Variants in CLU observed in about 807,000 individuals in gnomAD.
CLU encodes clusterin.
A neutral mutation model predicts 46.4 loss-of-function variants in CLU; 25 were observed. The observed-to-expected ratio is 0.54, with a 90% confidence interval of 0.39 to 0.75. The LOEUF (loss-of-function observed/expected upper bound fraction) is 0.75, where lower values mean the gene tolerates loss of function less well. CLU is among the 30% of genes least tolerant of loss of function. The pLI is 0.00. For missense variants in CLU, 504 were observed against 592.1 expected (o/e 0.85, Z 1.54); for synonymous variants, 235 against 235.1 (o/e 1.00, Z 0.00).
intron 6 of CLU, 109 bp from the exon 7 acceptor site, chr8:27,600,118 G>T: frequency 1.2e-6 from 1 of 828,792 alleles, no homozygotes; most frequent in South Asian, 1.4e-5. Flanking sequence ...CAAAAGCAGT[G>T]CTTCCCTAAG....
Position 27,605,249 on chromosome 8 carries a change from C to T in CLU, c.504G>A (p.Gln168=). The T allele has an allele frequency of 6.2e-7, 1 of 1,614,226 alleles. No individual in the cohort carries two copies. The highest frequency in any genetic ancestry group is 8.5e-7 in the Non-Finnish European group (1 of 1,180,036). ...RIDSLLENDR[Q]QTHMLDVMQD... Reference sequence around the variant, plus strand: ...GCATGACATCCAGCATGTGCGTCTGCTGCCGGTCGTTCTCCAGCAGGGAGT... The same window carrying T: ...GCATGACATCCAGCATGTGCGTCTGTTGCCGGTCGTTCTCCAGCAGGGAGT... The change falls in exon 5 of 9, where the codon CAG becomes CAA. Residue 168 remains glutamine, a synonymous_variant. Coordinates refer to ENST00000316403, the MANE Select transcript of CLU (RefSeq NM_001831.4).
At chr8:27,598,672 C>T in intron 7 of CLU, 37 bp from the exon 8 acceptor site, 2 of 1,606,106 alleles carry the variant, frequency 1.2e-6, no homozygotes, top group South Asian at 1.1e-5. Context: ...AGCTGAAACA[C>T]TGTGGTCAAA....
Position 27,606,497 on chromosome 8 carries a change from C to G in CLU, c.274G>C (p.Glu92Gln). ...EDALNETRES[E>Q]TKLKELPGVC... is the part of the protein sequence containing the mutation. ...CCTGGGAGCTCCTTCAGCTTTGTCT[C>G]TGATTCCCTGGTCTCATTTAGGGCA... The change falls in exon 4 of 9, where the codon GAG becomes CAG. Residue 92 changes from glutamate (E) to glutamine (Q), a missense_variant. Glu to Gln is a conservative substitution (Grantham distance 29). Coordinates refer to ENST00000316403, the MANE Select transcript of CLU (RefSeq NM_001831.4). The G allele has an allele frequency of 3.1e-6, 5 of 1,614,266 alleles. No homozygotes were observed. The highest frequency in any genetic ancestry group is 4.2e-6 in the Non-Finnish European group (5 of 1,180,052).
chr8:27,604,909 T>TCCACC lies in CLU; in HGVS notation c.829+10_829+14dup. The TCCACC allele has an allele frequency of 6.2e-7, 1 of 1,614,106 alleles. No homozygotes were observed. Among genetic ancestry groups the TCCACC allele is most frequent in the Non-Finnish European group, 8.5e-7 (1 of 1,179,998 alleles). ...CGAGTTGCTCAAAAGGCCATGAGCT[T>TCCACC]CCACCCCTTCTCACCTCGTATGAAT... is the stretch of plus-strand genomic sequence containing the variant. On this transcript the variant is annotated intron_variant, in intron 5 of 8. Transcript: ENST00000316403.
At position 27,599,853 on chromosome 8, in the gene CLU, T is replaced by C. The variant is rs1013892347; in HGVS notation, c.1091A>G (p.Glu364Gly). 6.2e-7 allele frequency: 1 copy of C among 1,614,166 alleles called. No homozygotes were observed. The highest frequency in any genetic ancestry group is 1.3e-5 in the African/African-American group (1 of 75,036). ...CAGCCGGGACACCCAGTTAAACTGC[T>C]CGTTCAGCTGCTCCAGCAAGGAGGA... The part of the protein sequence containing the change: ...NTSSLLEQLN[E>G]QFNWVSRLAN... The change falls in exon 7 of 9, where the codon GAG (glutamate) becomes GGG (glycine). Residue 364 changes from glutamate to glycine, a missense_variant. By Grantham distance (98) the Glu-to-Gly change is moderately conservative. This residue lies in a region of CLU where 428 missense variants were observed against 484.0 expected (regional missense o/e 0.88). Transcript: ENST00000316403. The surrounding 1 kb of genome is among the most constrained non-coding windows in gnomAD (Gnocchi z 4.0).
rs1473269814 is a variant in CLU, at chr8:27,597,257, T to C, written c.*984A>G. The C allele has an allele frequency of 2.2e-6, 1 of 453,200 alleles. No individual in the cohort carries two copies. The highest frequency in any genetic ancestry group is 1.6e-5 in the South Asian group (1 of 64,472). 28.1% of individuals were successfully genotyped at this position (453,200 alleles called of 1,614,324 possible). A position where few individuals can be genotyped will look rare whatever the true frequency, so the allele number is the denominator to read the frequency against. On this transcript the variant is annotated 3_prime_UTR_variant, in exon 9 of 9. Transcript: ENST00000316403. ...AGTACATCTGATGACCAGAATTCTA[T>C]CAGAGAATGTTAATGAACGAAAAGC...
intron 6 of CLU, among the ~76,000 whole-genome samples, chr8:27,601,204 A>C (rs944754870): frequency 2.6e-5 from 4 of 151,988 alleles, no homozygotes; most frequent in Non-Finnish European, 5.9e-5. Flanking sequence ...GCCTGCCACC[A>C]CCCCCGGGTG....
chr8:27,598,084 A>G lies in CLU; in HGVS notation c.*157T>C. Reference sequence around the variant, plus strand: ...GCAGCAGAGTCGAGTGTTAGAGTGCAGGATCCAGAGCGGGGAGAGGCTGGG... The same window carrying G: ...GCAGCAGAGTCGAGTGTTAGAGTGCGGGATCCAGAGCGGGGAGAGGCTGGG... On this transcript the variant is annotated 3_prime_UTR_variant, in exon 9 of 9. Transcript: ENST00000316403. 1.4e-6 allele frequency: 1 copy of G among 727,356 alleles called. No individual in the cohort carries two copies. The highest frequency in any genetic ancestry group is 2.5e-6 in the Non-Finnish European group (1 of 396,020). 45.1% of individuals were successfully genotyped at this position (727,356 alleles called of 1,614,324 possible).
At position 27,606,122 on chromosome 8, in the gene CLU, C is replaced by T. The variant is rs9331907; in HGVS notation, c.417+232G>A. Among the ~76,000 whole-genome samples, 1,039 of 152,334 alleles carry T rather than the reference C, an allele frequency of 6.8e-3. 6 individuals are homozygous for T. The highest frequency in any genetic ancestry group is 0.014 in the Middle Eastern group (4 of 294). On this transcript the variant is annotated intron_variant, in intron 4 of 8. Transcript: ENST00000316403. ...CCCACGAAGCAGTTTATTATGTCAT[C>T]CAGCTAAGCACTGCTGCATGAGTTT...
intron 1 of CLU, among the ~76,000 whole-genome samples, chr8:27,613,388 GAAAA>G (rs11467299): frequency 1.7e-5 from 2 of 120,164 alleles, no homozygotes. Flanking sequence ...TTGGTCTCAG[GAAAA>G]AAAAAAAAAA....
chr8:27,610,401 G>T, intron 2 of CLU, 74 bp downstream of exon 2: 1 of 1,198,266 alleles, frequency 8.3e-7, no homozygotes, highest in South Asian at 1.2e-5. Flanking sequence ...GAGAGGCACT[G>T]AGCAGAATTA....
In CLU at chr8:27,599,936, C is replaced by T. The variant is rs768507608; in HGVS notation, c.1008G>A (p.Arg336=). The T allele has an allele frequency of 1.9e-6, 3 of 1,614,230 alleles. No homozygotes were observed. Among genetic ancestry groups the T allele is most frequent in the Non-Finnish European group, 2.5e-6 (3 of 1,180,042 alleles). ...ELDESLQVAE[R]LTRKYNELLK... ...GCAGCTCGTTGTATTTCCTGGTCAA[C>T]CTCTCAGCGACCTGGAGGGATTCGT... Residue 336 remains arginine (R), a synonymous_variant, in exon 7 of 9, where the codon AGG becomes AGA. Transcript: ENST00000316403. The surrounding 1 kb of genome is among the most constrained non-coding windows in gnomAD (Gnocchi z 4.0).
At chr8:27,606,640 C>T in intron 3 of CLU, 116 bp from the exon 4 acceptor site, 1 of 1,231,884 alleles carries the variant, frequency 8.1e-7, no homozygotes, top group Non-Finnish European at 1.2e-6. Flanking sequence ...AGGCTGGCCA[C>T]CCAGCATGCA....
At chr8:27,608,364 G>A (rs542989357) in intron 3 of CLU, among the ~76,000 whole-genome samples, 3 of 152,324 alleles carry the variant, frequency 2.0e-5, no homozygotes, top group East Asian at 1.9e-4. Context: ...TAGGGCGACC[G>A]TGAGAGGAGG....
In CLU at chr8:27,606,478, A is replaced by G; in HGVS notation, c.293T>C (p.Leu98Pro). Residue 98 changes from leucine (L) to proline (P), a missense_variant, in exon 4 of 9, where the codon CTC becomes CCC. Physicochemically the swap from Leu to Pro is moderately conservative, Grantham distance 98. Transcript: ENST00000316403. ...CATGGTCTCATTGCACACTCCTGGG[A>G]GCTCCTTCAGCTTTGTCTCTGATTC... ...TRESETKLKE[L>P]PGVCNETMMA... is the part of the protein sequence containing the mutation. The G allele has an allele frequency of 6.2e-7, 1 of 1,614,142 alleles. No homozygotes were observed. The highest frequency in any genetic ancestry group is 8.5e-7 in the Non-Finnish European group (1 of 1,180,026).
At chr8:27,611,214 T>G (rs1169108089) in intron 1 of CLU, 1 of 454,148 alleles carries the variant, frequency 2.2e-6, no homozygotes, top group Non-Finnish European at 4.4e-6. Context: ...TCTGCATCCC[T>G]AGTGGGAGAC....
At chr8:27,610,338 C>T (rs1227488748) in intron 2 of CLU, 137 bp downstream of exon 2, 4 of 757,252 alleles carry the variant, frequency 5.3e-6, no homozygotes, top group Non-Finnish European at 7.0e-6. Context: ...CAGACACAGG[C>T]ACCCAGACCC....
rs765736396 is a variant in CLU at position 27,597,192 on chromosome 8, A to G, written c.*1049T>C. The G allele has an allele frequency of 2.2e-6, 1 of 454,302 alleles. No homozygotes were observed. 28.1% of individuals were successfully genotyped at this position (454,302 alleles called of 1,614,324 possible). On this transcript the variant is annotated 3_prime_UTR_variant, in exon 9 of 9. Coordinates refer to ENST00000316403, the MANE Select transcript of CLU (RefSeq NM_001831.4). ...TATAAATTTACATGTGGACTTTGCT[A>G]CACACCTGGGATGCAGCCAGATGAG...
Position 27,599,639 on chromosome 8 carries a change from T to C in CLU, c.1164+141A>G. ...GGTTATATTTTCCCTGAGTGGGTGATGAGGCTTCAAGGCAACAGGGGCGCC... is the reference window on the plus strand; with the variant it reads ...GGTTATATTTTCCCTGAGTGGGTGACGAGGCTTCAAGGCAACAGGGGCGCC... On this transcript the variant is annotated intron_variant, in intron 7 of 8. Coordinates refer to ENST00000316403, the MANE Select transcript of CLU (RefSeq NM_001831.4). The surrounding 1 kb of genome is among the most constrained non-coding windows in gnomAD (Gnocchi z 4.0). 1 of 680,038 alleles carries C rather than the reference T, an allele frequency of 1.5e-6. No homozygotes were observed. The highest frequency in any genetic ancestry group is 2.3e-5 in the Admixed American group (1 of 44,154). The allele number at this position is 680,038 out of a possible 1,614,324, so 42.1% of individuals were successfully genotyped here. A position where few individuals can be genotyped will look rare whatever the true frequency, so the allele number is the denominator to read the frequency against.
Sources: gnomAD v4.1 joint callset for allele counts (sites outside exome capture counted in the v4.1 genomes callset) on GRCh38, gnomAD v4.1.1 for gene constraint, gnomAD v4.1.1 regional missense constraint, Gnocchi (gnomAD v3.1) non-coding constraint, MANE v1.5 for transcripts, NCBI Gene and HGNC (gene_info 2026-07-23, HGNC 2026-07-21) for gene names.